Variants in NAIP observed in about 807,000 individuals in gnomAD.
The protein encoded by NAIP is baculoviral IAP repeat-containing protein 1.
Under a neutral mutation model 23.0 loss-of-function variants are expected in NAIP, and 15 were observed. The ratio of observed to expected loss-of-function variants is 0.65; its 90% CI spans 0.44 to 1.00. The LOEUF (loss-of-function observed/expected upper bound fraction) is 1.00. Among genes scored for constraint, NAIP ranks in the 50% least tolerant of loss-of-function variants. The probability of loss-of-function intolerance (pLI) is 0.00; values close to 1 mark genes in which losing one functional copy is unlikely to be tolerated. For synonymous variants in NAIP, 100 were observed against 100.2 expected, an observed-to-expected ratio of 1.00 and a Z score of 0.01; for missense variants, 265 against 278.8, an observed-to-expected ratio of 0.95 and a Z score of 0.35.
intron 5 of NAIP, among the ~76,000 whole-genome samples, chr5:71,010,717 G>T (rs1378005080): frequency 2.0e-5 from 3 of 151,498 alleles, no homozygotes; most frequent in Admixed American, 1.3e-4. Context: ...AATTAAGGCA[G>T]ATCATGAAAC....
intron 4 of NAIP, chr5:71,011,579 T>G: frequency 1.8e-6 from 1 of 570,744 alleles, no homozygotes; most frequent in Non-Finnish European, 3.1e-6. Flanking sequence ...AACCCTAAGC[T>G]GTGTAACTCA....
intron 4 of NAIP, among the ~76,000 whole-genome samples, chr5:71,011,995 G>C (rs1422939501): frequency 6.6e-6 from 1 of 151,602 alleles, no homozygotes; most frequent in African/African-American, 2.4e-5. Flanking sequence ...GAAAGATCAT[G>C]TAAGAGCAGT....
chr5:71,010,275 C>CT (rs1230389082), intron 5 of NAIP, among the ~76,000 whole-genome samples: 8,451 of 146,354 alleles, frequency 0.058, 837 homozygotes, highest in African/African-American at 0.2. Flanking sequence ...GCCTGGCTAA[C>CT]TTTTTTTTTT....
intron 9 of NAIP, among the ~76,000 whole-genome samples, chr5:70,989,487 CG>C (rs1487515236): frequency 2.9e-5 from 2 of 69,714 alleles, no homozygotes; most frequent in African/African-American, 1.9e-4. Flanking sequence ...TACAGTGAGC[CG>C]TGATTGCATC....
intron 5 of NAIP, among the ~76,000 whole-genome samples, chr5:71,009,311 A>T (rs559531504): frequency 7.0e-6 from 1 of 142,984 alleles, no homozygotes; most frequent in Non-Finnish European, 1.5e-5. Context: ...AGATTGCACC[A>T]CTAAACTCCA....
At chr5:71,013,546 A>C (rs542083371) in intron 3 of NAIP, among the ~76,000 whole-genome samples, 1 of 150,510 alleles carries the variant, frequency 6.6e-6, no homozygotes, top group Non-Finnish European at 1.5e-5. Context: ...AGGCTGAGGC[A>C]GGAGAATGGC....
At position 71,025,133 on chromosome 5, in the gene NAIP, A is replaced by G. The variant is rs1458718334; in HGVS notation, c.-737T>C. On this transcript the variant is annotated 5_prime_UTR_variant, in exon 1 of 17. Transcript: ENST00000517649. ...TGTGCCAGGAACTGGATGAAGATCA[A>G]ATATATATATTTATTATATCACAAT... 3 of 32,950 alleles carry G rather than the reference A, an allele frequency of 9.1e-5. No homozygotes were observed. The highest frequency in any genetic ancestry group is 3.4e-4 in the African/African-American group (3 of 8,822). The allele number at this position is 32,950 out of a possible 1,614,324, so 2.0% of individuals were successfully genotyped here. A position where few individuals can be genotyped will look rare whatever the true frequency, so the allele number is the denominator to read the frequency against.
chr5:71,012,497 A>G lies in NAIP; in HGVS notation c.419T>C (p.Ile140Thr), dbSNP rs759040704. The G allele has an allele frequency of 1.9e-6, 3 of 1,611,526 alleles. No homozygotes were observed. The highest frequency in any genetic ancestry group is 1.3e-5 in the African/African-American group (1 of 74,642). Residue 140 changes from isoleucine (I) to threonine (T), a missense_variant, in exon 4 of 17, where the codon ATA (isoleucine) becomes ACA (threonine). By Grantham distance (89) the Ile-to-Thr change is moderately conservative. Around this residue, in one of 2 missense-constraint regions of NAIP, gnomAD observed 261 missense variants for 259.2 expected, o/e 1.01. Coordinates refer to ENST00000517649, the MANE Select transcript of NAIP (RefSeq NM_004536.3). ...CCTGCTCTTCAGATTCTTCACCCTT[A>G]TGTCGTACTTGGCAATGTTACCAAC... is the stretch of plus-strand genomic sequence containing the variant. The part of the protein sequence containing the change: ...KDVGNIAKYD[I>T]RVKNLKSRLR...
At chr5:70,977,680 A>AG (rs1324081398) in intron 13 of NAIP, among the ~76,000 whole-genome samples, 68 of 149,884 alleles carry the variant, frequency 4.5e-4, no homozygotes, top group Non-Finnish European at 8.0e-4. Context: ...AAAAAAAAAA[A>AG]AAAAAAAAAA....
chr5:71,014,855 A>G (rs1751359103), intron 3 of NAIP, among the ~76,000 whole-genome samples: 1 of 151,586 alleles, frequency 6.6e-6, no homozygotes, highest in African/African-American at 2.4e-5. Context: ...GTGAGCCAAG[A>G]TCTCGCCATT....
At chr5:70,971,576 A>AAAAC in intron 16 of NAIP, 1 of 235,474 alleles carries the variant, frequency 4.2e-6, no homozygotes. Flanking sequence ...CTCCGTCTAA[A>AAAAC]AAACAAAAAG....
At chr5:71,011,553 C>T (rs985051245) in intron 4 of NAIP, among the ~76,000 whole-genome samples, 179 bp from the exon 5 acceptor site, 3 of 151,454 alleles carry the variant, frequency 2.0e-5, no homozygotes, top group South Asian at 4.2e-4. Context: ...CCACCACAGC[C>T]GTGCTCTAGG....
At chr5:71,009,989 TAC>T (rs1191925824) in intron 5 of NAIP, among the ~76,000 whole-genome samples, 1 of 151,712 alleles carries the variant, frequency 6.6e-6, no homozygotes, top group Non-Finnish European at 1.5e-5. Flanking sequence ...GGTTTAAAAA[TAC>T]AGTGTTTTCA....
At chr5:71,017,698 GC>G (rs1197319965) in intron 3 of NAIP, among the ~76,000 whole-genome samples, 1 of 77,482 alleles carries the variant, frequency 1.3e-5, no homozygotes, top group African/African-American at 3.9e-5. Context: ...GTGCCACCAT[GC>G]CCGGCTAATT....
intron 5 of NAIP, among the ~76,000 whole-genome samples, chr5:71,008,801 C>CAAAAAAAA (rs1187402726): frequency 1.1e-4 from 9 of 83,674 alleles, no homozygotes; most frequent in African/African-American, 3.5e-4. Flanking sequence ...GAGACTGTCA[C>CAAAAAAAA]AAAAAAAAAA....
chr5:71,012,422 G>T lies in NAIP; in HGVS notation c.494C>A (p.Ser165Tyr). ...RYQEEEARLA[S>Y]FRNWPFYVQG... Reference sequence around the variant, plus strand: ...GACATAAAATGGCCAGTTCCTGAAGGACGCAAGTCTAGCCTCCTCTTCTTG... The same window carrying T: ...GACATAAAATGGCCAGTTCCTGAAGTACGCAAGTCTAGCCTCCTCTTCTTG... The change falls in exon 4 of 17, where the codon TCC becomes TAC. Residue 165 changes from serine to tyrosine, a missense_variant. Transcript: ENST00000517649. The T allele has an allele frequency of 1.2e-6, 2 of 1,611,682 alleles. No individual in the cohort carries two copies. The highest frequency in any genetic ancestry group is 2.2e-5 in the South Asian group (2 of 90,976).
Position 71,012,679 on chromosome 5 carries a change from C to A in NAIP, c.237G>T (p.Gln79His). The A allele has an allele frequency of 6.2e-7, 1 of 1,611,904 alleles. No individual in the cohort carries two copies. The highest frequency in any genetic ancestry group is 8.5e-7 in the Non-Finnish European group (1 of 1,178,474). Reference sequence around the variant, plus strand: ...AGTAAAACCCAGCGGCCGCCATCTCCTGTGGTATCCATGAGCTGTACGGCT... The same window carrying A: ...AGTAAAACCCAGCGGCCGCCATCTCATGTGGTATCCATGAGCTGTACGGCT... The part of the protein sequence containing the change: ...TYEPYSSWIP[Q>H]EMAAAGFYFT... Residue 79 changes from glutamine to histidine, a missense_variant, in exon 4 of 17, where the codon CAG (glutamine) becomes CAT (histidine). By Grantham distance (24) the Gln-to-His change is conservative (BLOSUM62 0). This residue lies in a region of NAIP where 261 missense variants were observed against 259.2 expected (regional missense o/e 1.01). Coordinates refer to ENST00000517649, the MANE Select transcript of NAIP (RefSeq NM_004536.3).
intron 3 of NAIP, among the ~76,000 whole-genome samples, chr5:71,014,071 G>A (rs1751309333): frequency 6.7e-6 from 1 of 149,038 alleles, no homozygotes; most frequent in Non-Finnish European, 1.5e-5. Context: ...GTTTGGGAAT[G>A]TTTCTAGTGG....
At chr5:71,011,667 C>T in intron 4 of NAIP, 1 of 488,582 alleles carries the variant, frequency 2.0e-6, no homozygotes, top group Non-Finnish European at 3.7e-6. Flanking sequence ...GGGAAGCCGA[C>T]TAACACCAGG....
Sources: allele counts gnomAD v4.1 joint callset (sites outside exome capture counted in the v4.1 genomes callset), GRCh38; gene constraint gnomAD v4.1.1; regional missense constraint gnomAD v4.1.1; transcripts MANE v1.5; gene names NCBI Gene and HGNC (gene_info 2026-07-23, HGNC 2026-07-21).